Variants in TMEM62 observed in about 807,000 individuals in gnomAD.
TMEM62 encodes the protein transmembrane protein 62.
TMEM62 carries 41 observed loss-of-function variants against 70.4 expected under a neutral mutation model. The observed-to-expected ratio is 0.58, with a 90% CI of 0.45 to 0.76. TMEM62 has a LOEUF of 0.76. Among genes scored for constraint, TMEM62 ranks in the 30% least tolerant of loss-of-function variants. TMEM62 has a pLI of 0.00. For missense variants in TMEM62, 688 were observed against 788.5 expected (o/e 0.87, Z 1.53); for synonymous variants, 268 against 291.0 (o/e 0.92, Z 0.80).
chr15:43,144,685 T>C (rs1469755132), intron 4 of TMEM62, among the ~76,000 whole-genome samples: 1 of 152,208 alleles, frequency 6.6e-6, no homozygotes, highest in African/African-American at 2.4e-5. Flanking sequence ...AGAGTCACCA[T>C]ACATTGGAAG....
rs752946919 is a variant in TMEM62 at position 43,148,798 on chromosome 15, G to A, written c.662G>A (p.Arg221Gln). 6.8e-6 allele frequency: 11 copies of A among 1,613,968 alleles called. No homozygotes were observed. The highest frequency in any genetic ancestry group is 3.3e-5 in the Admixed American group (2 of 60,006). ...TTATTACTGGCCAAGGAAAGCAGTC[G>A]GAGCAACCATACAATTTGGTTTGGA... ...ELLLLAKESS[R>Q]SNHTIWFGHF... Residue 221 changes from arginine (R) to glutamine (Q), a missense_variant, in exon 6 of 14, where the codon CGG becomes CAG. Coordinates refer to ENST00000260403, the MANE Select transcript of TMEM62 (RefSeq NM_024956.4).
chr15:43,173,171 G>A (rs2040384307), intron 11 of TMEM62, among the ~76,000 whole-genome samples: 1 of 152,144 alleles, frequency 6.6e-6, no homozygotes, highest in Non-Finnish European at 1.5e-5. Context: ...ACTCCAGCCT[G>A]GGCAAAATAG....
rs12594277 is a variant in TMEM62 at position 43,148,458 on chromosome 15, G to A, written c.619-297G>A. Among the ~76,000 whole-genome samples, 1,344 of 152,258 alleles carry A rather than the reference G, an allele frequency of 8.8e-3. 96 individuals carry two copies. In the East Asian group the frequency reaches 0.18, roughly 20 times the overall value. On this transcript the variant is annotated intron_variant, in intron 5 of 13. Coordinates refer to ENST00000260403, the MANE Select transcript of TMEM62 (RefSeq NM_024956.4). Reference sequence around the variant, plus strand: ...GTATCCTCTTTATTAATCGTAAAGTGTTATACAAAGCTGTAAAGATTAGTG... The same window carrying A: ...GTATCCTCTTTATTAATCGTAAAGTATTATACAAAGCTGTAAAGATTAGTG...
chr15:43,160,096 G>A (rs2038508884), intron 9 of TMEM62, among the ~76,000 whole-genome samples: 1 of 151,928 alleles, frequency 6.6e-6, no homozygotes, highest in South Asian at 2.1e-4. Flanking sequence ...AGGCCCCTGA[G>A]TAGCTAGGAT....
At chr15:43,137,902 C>G (rs1441456224) in intron 3 of TMEM62, among the ~76,000 whole-genome samples, 1 of 152,226 alleles carries the variant, frequency 6.6e-6, no homozygotes, top group Non-Finnish European at 1.5e-5. Context: ...TGCTTCTGCT[C>G]CGAGTCATTC....
At chr15:43,134,490 C>T (rs1176424345) in intron 2 of TMEM62, 122 bp downstream of exon 2, 2 of 718,094 alleles carry the variant, frequency 2.8e-6, no homozygotes, top group Non-Finnish European at 4.8e-6. Context: ...CAGGTGAGCT[C>T]TGTGAGGTGG....
chr15:43,179,081 TTTA>T (rs1227186076), intron 12 of TMEM62, among the ~76,000 whole-genome samples: 1 of 152,170 alleles, frequency 6.6e-6, no homozygotes, highest in Non-Finnish European at 1.5e-5. Context: ...ATCTTCTGTG[TTTA>T]TTATCTATTA....
intron 10 of TMEM62, among the ~76,000 whole-genome samples, chr15:43,161,708 T>C (rs999916098): frequency 1.3e-5 from 2 of 152,252 alleles, no homozygotes; most frequent in African/African-American, 2.4e-5. Flanking sequence ...TTTCCCAGGC[T>C]GGAGTGCAAT....
chr15:43,184,043 A>C, intron 13 of TMEM62: 1 of 589,306 alleles, frequency 1.7e-6, no homozygotes, highest in East Asian at 2.8e-5. Flanking sequence ...CTTCAGCATA[A>C]ATTAAATGAT....
chr15:43,180,128 G>A (rs912515032), intron 12 of TMEM62, among the ~76,000 whole-genome samples: 6 of 152,042 alleles, frequency 3.9e-5, no homozygotes, highest in African/African-American at 1.2e-4. Context: ...GATGGTATTT[G>A]CATTTTTTTT....
intron 10 of TMEM62, among the ~76,000 whole-genome samples, chr15:43,168,016 C>G (rs1014319539): frequency 1.3e-5 from 2 of 150,298 alleles, no homozygotes; most frequent in African/African-American, 5.0e-5. Flanking sequence ...CGCAGGCACT[C>G]GGCAGGCTGA....
intron 5 of TMEM62, among the ~76,000 whole-genome samples, chr15:43,146,847 C>A (rs1380894760): frequency 6.6e-6 from 1 of 152,182 alleles, no homozygotes; most frequent in Non-Finnish European, 1.5e-5. Flanking sequence ...AGAAGTACCT[C>A]ACACTTTATG....
chr15:43,147,905 A>G (rs2141637479), intron 5 of TMEM62, among the ~76,000 whole-genome samples: 1 of 152,292 alleles, frequency 6.6e-6, no homozygotes, highest in South Asian at 2.1e-4. Flanking sequence ...GTATTGCTGT[A>G]AGCACCTTAC....
Position 43,135,495 on chromosome 15 carries a change from C to T in TMEM62, c.293-17C>T, listed in dbSNP as rs145419766. 2.5e-3 allele frequency: 3,963 copies of T among 1,572,910 alleles called. 9 individuals are homozygous for T. Among genetic ancestry groups the T allele is most frequent in the Non-Finnish European group, 2.8e-3 (3,310 of 1,169,086 alleles). The stretch of plus-strand genomic sequence containing the variant: ...GTTTATTTTGCATTGTGATTCAATT[C>T]TTGTGTAAACCTACAGGAGACCTGA... On this transcript the variant is annotated splice_polypyrimidine_tract_variant and intron_variant, in intron 2 of 13. Transcript: ENST00000260403.
chr15:43,170,162 A>T lies in TMEM62; in HGVS notation c.1381+485A>T, dbSNP rs116762922. On this transcript the variant is annotated intron_variant, in intron 11 of 13. Transcript: ENST00000260403. ...TATCTTGTTTATAATTTGGTATCTT[A>T]TTGTGACAGAGTCTGTTTTGTCAGT... Among the ~76,000 whole-genome samples, 1,005 of 152,276 alleles carry T rather than the reference A, an allele frequency of 6.6e-3. 6 individuals are homozygous for T. Among genetic ancestry groups the T allele is most frequent in the African/African-American group, 0.023 (968 of 41,540 alleles).
chr15:43,166,277 A>G (rs2039402645), intron 10 of TMEM62, among the ~76,000 whole-genome samples: 1 of 151,944 alleles, frequency 6.6e-6, no homozygotes, highest in South Asian at 2.1e-4. Context: ...CAGAGATTTT[A>G]TTTGTTTTGG....
intron 11 of TMEM62, among the ~76,000 whole-genome samples, chr15:43,178,086 T>C (rs2040954249): frequency 6.6e-6 from 1 of 150,944 alleles, no homozygotes; most frequent in African/African-American, 2.5e-5. Flanking sequence ...AATGAAGATA[T>C]TTTGATATTT....
chr15:43,133,215 G>T (rs1430806966), upstream of TMEM62: 1 of 152,290 alleles, frequency 6.6e-6, no homozygotes. Flanking sequence ...AAGGAAAGGG[G>T]AATGGTAGAG....
At chr15:43,173,174 C>T (rs1253291341) in intron 11 of TMEM62, among the ~76,000 whole-genome samples, 1 of 152,172 alleles carries the variant, frequency 6.6e-6, no homozygotes, top group Non-Finnish European at 1.5e-5. Flanking sequence ...CCAGCCTGGG[C>T]AAAATAGTGA....
Sources: allele counts gnomAD v4.1 joint callset (sites outside exome capture counted in the v4.1 genomes callset), GRCh38; gene constraint gnomAD v4.1.1; transcripts MANE v1.5; gene names NCBI Gene and HGNC (gene_info 2026-07-23, HGNC 2026-07-21).